HUNK: variants seen among roughly 807,000 people sequenced by gnomAD.
HUNK encodes the protein hormonally up-regulated Neu-associated kinase.
In HUNK, 21 loss-of-function variants were observed where a neutral mutation model predicts 61.0. The ratio of observed to expected loss-of-function variants is 0.34; its 90% CI spans 0.24 to 0.50. The LOEUF (loss-of-function observed/expected upper bound fraction) is 0.50. Among genes scored for constraint, HUNK ranks in the 20% least tolerant of loss-of-function variants. The probability of loss-of-function intolerance (pLI) is 0.98; values close to 1 mark genes in which losing one functional copy is unlikely to be tolerated. For missense variants in HUNK, 772 were observed against 945.7 expected (o/e 0.82, Z 2.41); for synonymous variants, 371 against 386.1 (o/e 0.96, Z 0.46).
At chr21:31,956,375 G>A (rs1336743945) in intron 4 of HUNK, among the ~76,000 whole-genome samples, 1 of 152,136 alleles carries the variant, frequency 6.6e-6, no homozygotes, top group African/African-American at 2.4e-5. Context: ...GTGCCAGAAG[G>A]TTTCCATCCA....
intron 3 of HUNK, among the ~76,000 whole-genome samples, chr21:31,943,099 T>TC (rs1275282983): frequency 2.0e-5 from 3 of 152,192 alleles, no homozygotes; most frequent in Non-Finnish European, 4.4e-5. Flanking sequence ...CTTTTTTTTT[T>TC]CAAAGGTGAT....
At chr21:31,922,227 G>C (rs1054299798) in intron 1 of HUNK, among the ~76,000 whole-genome samples, 3 of 151,846 alleles carry the variant, frequency 2.0e-5, no homozygotes, top group African/African-American at 7.3e-5. Flanking sequence ...ATGTTGGCCA[G>C]ACTGGTCTCG....
intron 7 of HUNK, among the ~76,000 whole-genome samples, chr21:31,978,412 A>G (rs780682667): frequency 5.9e-5 from 9 of 152,156 alleles, no homozygotes; most frequent in Admixed American, 3.9e-4. Flanking sequence ...TTGTTCAATC[A>G]TGTCTTAAAT....
intron 5 of HUNK, among the ~76,000 whole-genome samples, chr21:31,959,560 A>G (rs2052913449): frequency 6.6e-6 from 1 of 152,166 alleles, no homozygotes; most frequent in African/African-American, 2.4e-5. Context: ...GTTTGTATTA[A>G]GGTTTGGTTT....
chr21:32,000,499 G>A lies in HUNK; in HGVS notation c.*1315G>A, dbSNP rs749909145. 3.8e-5 allele frequency: 15 copies of A among 399,120 alleles called. No homozygotes were observed. The highest frequency in any genetic ancestry group is 5.7e-5 in the Non-Finnish European group (13 of 226,200). The allele number at this position is 399,120 out of a possible 1,614,324, so 24.7% of individuals were successfully genotyped here. A position where few individuals can be genotyped will look rare whatever the true frequency, so the allele number is the denominator to read the frequency against. On this transcript the variant is annotated 3_prime_UTR_variant, in exon 11 of 11. Transcript: ENST00000270112. ...TCCAGCTGGCACTTGACAGGGTGCAGTCATTGGTGAGAAGAATCAGAAAAA... is the reference window on the plus strand; with the variant it reads ...TCCAGCTGGCACTTGACAGGGTGCAATCATTGGTGAGAAGAATCAGAAAAA...
intron 1 of HUNK, among the ~76,000 whole-genome samples, chr21:31,901,452 G>A (rs2052467204): frequency 6.6e-6 from 1 of 152,158 alleles, no homozygotes; most frequent in Non-Finnish European, 1.5e-5. Flanking sequence ...CTGATGTGGA[G>A]GCCTTGGCTT....
chr21:31,909,782 A>G (rs2833553), intron 1 of HUNK, among the ~76,000 whole-genome samples: 28,718 of 152,262 alleles, frequency 0.19, 2,930 homozygotes, highest in South Asian at 0.24. Flanking sequence ...TTTCTGTTAA[A>G]TAAGTATTGT....
At chr21:31,960,770 C>T (rs973682505) in intron 5 of HUNK, among the ~76,000 whole-genome samples, 1 of 152,182 alleles carries the variant, frequency 6.6e-6, no homozygotes, top group Non-Finnish European at 1.5e-5. Context: ...ATTATCTCCA[C>T]CTGGCCCCGC....
At chr21:31,996,381 C>A (rs1183704558) in intron 10 of HUNK, among the ~76,000 whole-genome samples, 1 of 151,962 alleles carries the variant, frequency 6.6e-6, no homozygotes, top group Non-Finnish European at 1.5e-5. Context: ...CTGCAGAGGT[C>A]CAAGTTCCTT....
chr21:31,998,429 A>G lies in HUNK; in HGVS notation c.1487-97A>G. The G allele has an allele frequency of 4.2e-6, 5 of 1,195,860 alleles. No homozygotes were observed. In the East Asian group the frequency reaches 9.4e-5, roughly 23 times the overall value. 74.1% of individuals were successfully genotyped at this position (1,195,860 alleles called of 1,614,324 possible). ...TTGGTTTCTTCTGACCTTGGCGGGAACTGTCTCAGTTAAGCTGGAGGTCAC... is the reference window on the plus strand; with the variant it reads ...TTGGTTTCTTCTGACCTTGGCGGGAGCTGTCTCAGTTAAGCTGGAGGTCAC... On this transcript the variant is annotated intron_variant, in intron 10 of 10. Transcript: ENST00000270112.
At chr21:31,875,172 C>T (rs1423920653) in intron 1 of HUNK, among the ~76,000 whole-genome samples, 1 of 152,230 alleles carries the variant, frequency 6.6e-6, no homozygotes, top group Non-Finnish European at 1.5e-5. Flanking sequence ...CTCTGCCTTC[C>T]GACCTGGGGG....
At chr21:31,965,515 G>A (rs2052958334) in intron 5 of HUNK, among the ~76,000 whole-genome samples, 1 of 151,550 alleles carries the variant, frequency 6.6e-6, no homozygotes, top group Non-Finnish European at 1.5e-5. Context: ...TGAGTATCCA[G>A]CGATAACACT....
intron 1 of HUNK, among the ~76,000 whole-genome samples, chr21:31,908,303 C>A (rs972486786): frequency 9.2e-5 from 14 of 152,062 alleles, no homozygotes; most frequent in African/African-American, 3.4e-4. Flanking sequence ...GGAATCTGGA[C>A]TTTATTTAGA....
At chr21:31,911,575 C>T (rs143710144) in intron 1 of HUNK, among the ~76,000 whole-genome samples, 17 of 152,234 alleles carry the variant, frequency 1.1e-4, no homozygotes, top group African/African-American at 4.1e-4. Flanking sequence ...TTGGGAGCCA[C>T]GGGGAGCCTG....
At chr21:31,939,166 T>A (rs1010304278) in intron 2 of HUNK, among the ~76,000 whole-genome samples, 6 of 152,128 alleles carry the variant, frequency 3.9e-5, no homozygotes, top group Non-Finnish European at 8.8e-5. Context: ...CATTATCTGA[T>A]TAGCAATCTT....
At chr21:31,979,797 A>G (rs139662198) in intron 7 of HUNK, among the ~76,000 whole-genome samples, 1,739 of 151,890 alleles carry the variant, frequency 0.011, 16 homozygotes, top group East Asian at 0.034. Flanking sequence ...TTACAGGCAT[A>G]AGCCACCACG....
intron 1 of HUNK, among the ~76,000 whole-genome samples, chr21:31,886,388 TGTACTCCAAACTGG>T (rs1040123017): frequency 1.5e-4 from 23 of 149,434 alleles, no homozygotes; most frequent in Admixed American, 3.3e-4. Context: ...ATTGCGCCAT[TGTACTCCAAACTGG>T]GAGACAGAAT....
intron 5 of HUNK, among the ~76,000 whole-genome samples, chr21:31,961,070 G>A (rs984038618): frequency 6.6e-6 from 1 of 152,106 alleles, no homozygotes; most frequent in Non-Finnish European, 1.5e-5. Context: ...AGGATCCCTC[G>A]TGCTGCTCCT....
chr21:31,933,311 T>C (rs2052710981), intron 2 of HUNK, among the ~76,000 whole-genome samples: 1 of 152,192 alleles, frequency 6.6e-6, no homozygotes, highest in African/African-American at 2.4e-5. Context: ...ACTTCCCATC[T>C]ATCCCAGGGC....
Sources: allele counts gnomAD v4.1 joint callset (sites outside exome capture counted in the v4.1 genomes callset), GRCh38; gene constraint gnomAD v4.1.1; transcripts MANE v1.5; gene names NCBI Gene and HGNC (gene_info 2026-07-23, HGNC 2026-07-21).